EVL: variants seen among roughly 807,000 people sequenced by gnomAD.
EVL encodes ena/VASP-like protein.
EVL carries 21 observed loss-of-function variants against 59.6 expected under a neutral mutation model. The observed-to-expected ratio is 0.35, with a 90% CI of 0.25 to 0.51. EVL has a LOEUF of 0.51. Among genes scored for constraint, EVL ranks in the 20% least tolerant of loss-of-function variants. The pLI is 0.97. For missense variants in EVL, 462 were observed against 546.6 expected, an observed-to-expected ratio of 0.85 and a Z score of 1.54; for synonymous variants, 198 against 203.5, an observed-to-expected ratio of 0.97 and a Z score of 0.23.
Position 100,144,096 on chromosome 14 carries a change from A to G in EVL, c.*358A>G, listed in dbSNP as rs1222603076. ...GCTGTTAGCGCCTCAGCTGGCGGTG[A>G]CAGCCGGCCCAGCGTGGCGCCACCA... On this transcript the variant is annotated 3_prime_UTR_variant, in exon 14 of 14. Coordinates refer to ENST00000392920, the MANE Select transcript of EVL (RefSeq NM_016337.3). The G allele has an allele frequency of 2.9e-6, 1 of 341,132 alleles. No individual in the cohort carries two copies. The highest frequency in any genetic ancestry group is 2.1e-5 in the African/African-American group (1 of 46,878). The allele number at this position is 341,132 out of a possible 1,614,324, so 21.1% of individuals were successfully genotyped here.
chr14:100,072,580 T>C (rs2062071640), intron 1 of EVL, among the ~76,000 whole-genome samples: 1 of 152,200 alleles, frequency 6.6e-6, no homozygotes, highest in Non-Finnish European at 1.5e-5. Flanking sequence ...GTTGTAACAA[T>C]GGTATTTAAG....
chr14:100,057,008 A>T (rs1012681259), intron 1 of EVL, among the ~76,000 whole-genome samples: 26 of 152,214 alleles, frequency 1.7e-4, no homozygotes, highest in Admixed American at 2.0e-4. Context: ...AGCAGGAATA[A>T]TTTTCTCTAT....
chr14:100,050,156 A>G (rs543049728), intron 1 of EVL, among the ~76,000 whole-genome samples: 2 of 152,296 alleles, frequency 1.3e-5, no homozygotes, highest in South Asian at 2.1e-4. Flanking sequence ...TCCAGTGTTA[A>G]CAGTGGTTGT....
At chr14:100,110,376 G>GAA (rs796882861) in intron 3 of EVL, among the ~76,000 whole-genome samples, 25 of 141,348 alleles carry the variant, frequency 1.8e-4, no homozygotes, top group Admixed American at 6.4e-4. Flanking sequence ...GCTGTCTCAG[G>GAA]AAAAAAAAAA....
rs77556116 is a variant in EVL at position 99,991,350 on chromosome 14, A to G, written c.5+19293A>G. 0.012 allele frequency among the ~76,000 whole-genome samples: 1,757 copies of G among 152,336 alleles called. 81 individuals are homozygous for G. In the East Asian group the frequency reaches 0.16, roughly 14 times the overall value. The stretch of plus-strand genomic sequence containing the variant: ...CTGAAGCAAATCTGATTGATTTTCT[A>G]TGTGAAAATAAAATATAAAAACTGT... On this transcript the variant is annotated intron_variant, in intron 1 of 13. Coordinates refer to the EVL transcript ENST00000402714.
chr14:100,100,160 T>G (rs1263775303), intron 3 of EVL, among the ~76,000 whole-genome samples: 2 of 152,136 alleles, frequency 1.3e-5, no homozygotes, highest in African/African-American at 4.8e-5. Context: ...GGAAACAACT[T>G]CTCGTTGTCA....
Position 100,109,228 on chromosome 14 carries a change from C to A in EVL, c.358+11570C>A, listed in dbSNP as rs962755075. Among the ~76,000 whole-genome samples, 6 of 152,252 alleles carry A rather than the reference C, an allele frequency of 3.9e-5. No individual in the cohort carries two copies. In the South Asian group the frequency reaches 8.3e-4, roughly 21 times the overall value. On this transcript the variant is annotated intron_variant, in intron 3 of 13. Coordinates refer to ENST00000392920, the MANE Select transcript of EVL (RefSeq NM_016337.3). The surrounding 1 kb of genome is among the most constrained non-coding windows in gnomAD (Gnocchi z 4.3). ...TGTAACCCATCCACCTTCTCTTGTC[C>A]TTCTTCAGTCTGTCCTCCCTGGGCT...
intron 4 of EVL, among the ~76,000 whole-genome samples, chr14:100,124,415 G>C (rs895315972): frequency 6.6e-6 from 1 of 152,196 alleles, no homozygotes; most frequent in African/African-American, 2.4e-5. Flanking sequence ...TCCTAAGACT[G>C]AGAAATGAAT....
intron 1 of EVL, chr14:100,019,823 A>G: frequency 2.3e-6 from 2 of 852,258 alleles, no homozygotes; most frequent in Admixed American, 2.7e-5. Flanking sequence ...GGTGGGGTTT[A>G]TCCCAGTCAT....
chr14:99,999,030 TA>T (rs2054005634), intron 1 of EVL, among the ~76,000 whole-genome samples: 1 of 124,286 alleles, frequency 8.0e-6, no homozygotes, highest in Admixed American at 7.6e-5. Flanking sequence ...TTATACTTTA[TA>T]ATTTATAAAT....
intron 1 of EVL, among the ~76,000 whole-genome samples, chr14:100,082,554 G>C (rs1477951744): frequency 5.3e-5 from 8 of 152,162 alleles, no homozygotes; most frequent in African/African-American, 1.7e-4. Flanking sequence ...ACAACCAACG[G>C]GTTGCTTTGG....
chr14:100,072,947 C>T (rs1479668083), intron 1 of EVL, among the ~76,000 whole-genome samples: 2 of 152,180 alleles, frequency 1.3e-5, no homozygotes, highest in African/African-American at 4.8e-5. Context: ...CAGCCATGGG[C>T]GTTGGGCAGG....
chr14:100,083,609 G>A (rs1202360542), intron 1 of EVL, among the ~76,000 whole-genome samples: 2 of 152,258 alleles, frequency 1.3e-5, no homozygotes, highest in African/African-American at 4.8e-5. Flanking sequence ...TTTTAGTAAT[G>A]ACTATTTTAT....
At chr14:100,031,297 G>A (rs530167853) in intron 1 of EVL, among the ~76,000 whole-genome samples, 6 of 152,304 alleles carry the variant, frequency 3.9e-5, no homozygotes, top group South Asian at 2.1e-4. Context: ...TACACACCTC[G>A]TTGGAGTTCA....
intron 1 of EVL, among the ~76,000 whole-genome samples, chr14:99,982,266 C>G (rs1170251572): frequency 6.6e-6 from 1 of 152,080 alleles, no homozygotes; most frequent in African/African-American, 2.4e-5. Flanking sequence ...TTCCCCCTTA[C>G]TAAATATTCT....
intron 2 of EVL, among the ~76,000 whole-genome samples, chr14:100,096,322 A>G (rs78410343): frequency 6.6e-6 from 1 of 152,232 alleles, no homozygotes; most frequent in Non-Finnish European, 1.5e-5. Flanking sequence ...TTGTACTTCT[A>G]AAGCAAAATC....
In EVL at chr14:100,109,312, C is replaced by T; in HGVS notation, c.358+11654C>T. 1 of 350,282 alleles carries T rather than the reference C, an allele frequency of 2.9e-6. No individual in the cohort carries two copies. Among genetic ancestry groups the T allele is most frequent in the Non-Finnish European group, 5.6e-6 (1 of 177,814 alleles). The allele number at this position is 350,282 out of a possible 1,614,324, so 21.7% of individuals were successfully genotyped here. On this transcript the variant is annotated intron_variant, in intron 3 of 13. Coordinates refer to ENST00000392920, the MANE Select transcript of EVL (RefSeq NM_016337.3). The surrounding 1 kb of genome is among the most constrained non-coding windows in gnomAD (Gnocchi z 4.3). Reference sequence around the variant, plus strand: ...ATGTTCTCTCCATACTCCTGGTCACCTTCTGCTCATCCTTTGCCCTGCTGT... The same window carrying T: ...ATGTTCTCTCCATACTCCTGGTCACTTTCTGCTCATCCTTTGCCCTGCTGT...
chr14:100,042,222 C>T (rs973151429), intron 1 of EVL, among the ~76,000 whole-genome samples: 2 of 152,036 alleles, frequency 1.3e-5, no homozygotes, highest in East Asian at 3.9e-4. Flanking sequence ...CAATTTGGAC[C>T]GGCCACATTT....
chr14:100,053,418 A>T (rs570925426), intron 1 of EVL, among the ~76,000 whole-genome samples: 1 of 149,426 alleles, frequency 6.7e-6, no homozygotes, highest in African/African-American at 2.5e-5. Flanking sequence ...ATTTTTCTTT[A>T]TCGTCGTTTT....
Sources: allele counts gnomAD v4.1 joint callset (sites outside exome capture counted in the v4.1 genomes callset), GRCh38; gene constraint gnomAD v4.1.1; non-coding constraint Gnocchi (gnomAD v3.1); transcripts MANE v1.5; gene names NCBI Gene and HGNC (gene_info 2026-07-23, HGNC 2026-07-21).